Variants in CENPP observed in about 807,000 individuals in gnomAD.
CENPP encodes the protein centromere protein P.
In CENPP, 24 loss-of-function variants were observed where a neutral mutation model predicts 35.6. The observed-to-expected ratio is 0.67, with a 90% confidence interval of 0.49 to 0.95. CENPP has a LOEUF of 0.95. CENPP is among the 40% of genes least tolerant of loss of function. The pLI, the probability that CENPP is intolerant of heterozygous loss-of-function variation, is 0.00. For missense variants in CENPP, 332 were observed against 345.3 expected, an observed-to-expected ratio of 0.96 and a Z score of 0.31; for synonymous variants, 120 against 125.5, an observed-to-expected ratio of 0.96 and a Z score of 0.29.
At chr9:92,341,891 A>G (rs1841132322) in intron 3 of CENPP, among the ~76,000 whole-genome samples, 1 of 152,268 alleles carries the variant, frequency 6.6e-6, no homozygotes, top group African/African-American at 2.4e-5. Flanking sequence ...TGACCATTTG[A>G]TAATGGCCTG....
At chr9:92,544,524 A>G (rs1470317446) in intron 5 of CENPP, among the ~76,000 whole-genome samples, 1 of 129,810 alleles carries the variant, frequency 7.7e-6, no homozygotes. Flanking sequence ...CATTCTTTCT[A>G]TAGTTAATTT....
At chr9:92,607,724 T>C (rs1437213140) in intron 5 of CENPP, among the ~76,000 whole-genome samples, 1 of 152,196 alleles carries the variant, frequency 6.6e-6, no homozygotes, top group Non-Finnish European at 1.5e-5. Flanking sequence ...GTGGGAGACA[T>C]AGCATTCCTC....
chr9:92,339,089 A>G (rs941516664), intron 3 of CENPP, among the ~76,000 whole-genome samples: 1 of 152,194 alleles, frequency 6.6e-6, no homozygotes, highest in Admixed American at 6.5e-5. Context: ...CCAACAGGGA[A>G]TGTGTGCAAA....
chr9:92,564,574 G>A (rs1849922100), intron 5 of CENPP, among the ~76,000 whole-genome samples: 2 of 152,114 alleles, frequency 1.3e-5, no homozygotes, highest in Non-Finnish European at 2.9e-5. Context: ...ATGAGCAAAT[G>A]CATGATAGGA....
At chr9:92,456,570 G>C (rs898085838) in intron 5 of CENPP, 1 of 151,852 alleles carries the variant, frequency 6.6e-6, no homozygotes, top group African/African-American at 2.4e-5. Flanking sequence ...GCGAGTTACA[G>C]ATTTTATGAA....
At chr9:92,475,619 C>T (rs1845687673) in intron 5 of CENPP, among the ~76,000 whole-genome samples, 1 of 152,120 alleles carries the variant, frequency 6.6e-6, no homozygotes, top group South Asian at 2.1e-4. Flanking sequence ...ATTCAGTGTC[C>T]CTGAAGGAGG....
In CENPP at chr9:92,494,854, C is replaced by A. The variant is rs564138871; in HGVS notation, c.564+114995C>A. 9.9e-5 allele frequency among the ~76,000 whole-genome samples: 15 copies of A among 152,158 alleles called. No homozygotes were observed. In the South Asian group the frequency reaches 3.1e-3, roughly 32 times the overall value. On this transcript the variant is annotated intron_variant, in intron 5 of 7. Transcript: ENST00000375587. The stretch of plus-strand genomic sequence containing the variant: ...CCCAGGAGGCAGAGGTTGCAGTGAG[C>A]CGAGATTGCACCACTGCACTCCAGC...
chr9:92,474,742 C>CA (rs1554766844), intron 5 of CENPP: 7 of 1,534,634 alleles, frequency 4.6e-6, no homozygotes, highest in South Asian at 3.5e-5. Context: ...GAGAGTTGTC[C>CA]TCATCATCAT....
chr9:92,545,006 G>A (rs1002634743), intron 5 of CENPP, among the ~76,000 whole-genome samples: 1 of 152,198 alleles, frequency 6.6e-6, no homozygotes, highest in Non-Finnish European at 1.5e-5. Flanking sequence ...TTACCGGTGT[G>A]AGCAACCACG....
At chr9:92,520,612 T>TAC (rs1435577198) in intron 5 of CENPP, among the ~76,000 whole-genome samples, 1 of 152,158 alleles carries the variant, frequency 6.6e-6, no homozygotes, top group Admixed American at 6.6e-5. Context: ...CCTAAGTATA[T>TAC]ACCCAAAAGA....
intron 5 of CENPP, among the ~76,000 whole-genome samples, chr9:92,562,275 G>C (rs559109310): frequency 6.7e-6 from 1 of 149,962 alleles, no homozygotes; most frequent in South Asian, 2.1e-4. Flanking sequence ...CGTGATCTTG[G>C]CTCACTGCAA....
At chr9:92,369,898 T>C (rs995024028) in intron 4 of CENPP, among the ~76,000 whole-genome samples, 4 of 152,216 alleles carry the variant, frequency 2.6e-5, no homozygotes, top group African/African-American at 9.6e-5. Flanking sequence ...CTTATTCTAG[T>C]TTCTAGAGGA....
intron 5 of CENPP, among the ~76,000 whole-genome samples, chr9:92,386,503 A>C (rs928686985): frequency 6.6e-6 from 1 of 151,918 alleles, no homozygotes; most frequent in Non-Finnish European, 1.5e-5. Context: ...TTGATCCTTT[A>C]TGATGGCCAG....
intron 5 of CENPP, among the ~76,000 whole-genome samples, chr9:92,480,302 G>A (rs1052947038): frequency 6.6e-6 from 1 of 152,164 alleles, no homozygotes; most frequent in African/African-American, 2.4e-5. Context: ...GCTAAGAGAG[G>A]TCTTTGAGAC....
intron 4 of CENPP, among the ~76,000 whole-genome samples, chr9:92,349,601 A>G (rs1474898630): frequency 6.6e-6 from 1 of 151,970 alleles, no homozygotes; most frequent in Non-Finnish European, 1.5e-5. Context: ...ATGTGGTTTC[A>G]CCATGTTGGC....
chr9:92,341,531 T>C (rs1223069935), intron 3 of CENPP: 1 of 152,162 alleles, frequency 6.6e-6, no homozygotes, highest in Admixed American at 6.5e-5. Context: ...GGCCGACGCT[T>C]AGGAAAAATA....
At chr9:92,341,880 G>T (rs1841131800) in intron 3 of CENPP, among the ~76,000 whole-genome samples, 1 of 152,250 alleles carries the variant, frequency 6.6e-6, no homozygotes, top group Non-Finnish European at 1.5e-5. Flanking sequence ...TGAAAATTTT[G>T]TGACCATTTG....
At chr9:92,540,881 TAA>T (rs1047707958) in intron 5 of CENPP, among the ~76,000 whole-genome samples, 1 of 152,080 alleles carries the variant, frequency 6.6e-6, no homozygotes, top group African/African-American at 2.4e-5. Flanking sequence ...CTAAAAATAT[TAA>T]AGAGCAAAAA....
At chr9:92,578,644 GTTGT>G (rs1323888074) in intron 5 of CENPP, among the ~76,000 whole-genome samples, 6 of 152,186 alleles carry the variant, frequency 3.9e-5, no homozygotes, top group African/African-American at 1.4e-4. Context: ...TTTTGATGGG[GTTGT>G]TTGTTTTTTT....
Sources: allele counts gnomAD v4.1 joint callset (sites outside exome capture counted in the v4.1 genomes callset), GRCh38; gene constraint gnomAD v4.1.1; transcripts MANE v1.5; gene names NCBI Gene and HGNC (gene_info 2026-07-23, HGNC 2026-07-21).